DPEP3: variants seen among roughly 807,000 people sequenced by gnomAD.
DPEP3 encodes the protein membrane-bound dipeptidase 3.
In DPEP3, 42 loss-of-function variants were observed where a neutral mutation model predicts 47.5. The ratio of observed to expected loss-of-function variants is 0.88; its 90% CI spans 0.69 to 1.14. The LOEUF (loss-of-function observed/expected upper bound fraction) is 1.14, where lower values mean the gene tolerates loss of function less well. DPEP3 is among the 50% of genes most tolerant of loss of function. The pLI is 0.00. For synonymous variants in DPEP3, 276 were observed against 270.2 expected (o/e 1.02, Z -0.21); for missense variants, 560 against 635.0 (o/e 0.88, Z 1.27).
At chr16:67,976,604 G>C (rs1315292066) in intron 8 of DPEP3, 96 bp downstream of exon 8, 7 of 1,184,910 alleles carry the variant, frequency 5.9e-6, no homozygotes, top group African/African-American at 3.0e-5. Flanking sequence ...AGAGCCTGTG[G>C]CTGAGGCCTG....
chr16:67,980,230 AGCCCAGCGTGGAGAGGGCTCTGGGGGC>A lies in DPEP3; in HGVS notation c.124_150del (p.Ala42_Gly50del), dbSNP rs2031294638. Reference sequence around the variant, plus strand: ...CCCGGCGTGGTGAAGAGGCTGGGGGAGCCCAGCGTGGAGAGGGCTCTGGGGGCGCCCGGCGTGGTCTCCGCGCGGGTT... The same window carrying A: ...CCCGGCGTGGTGAAGAGGCTGGGGGAGCCCGGCGTGGTCTCCGCGCGGGTT... On this transcript the variant is annotated inframe_deletion, in exon 1 of 10. Transcript: ENST00000268793. 6.2e-7 allele frequency: 1 copy of A among 1,607,600 alleles called. No individual in the cohort carries two copies. Among genetic ancestry groups the A allele is most frequent in the East Asian group, 2.2e-5 (1 of 44,740 alleles).
chr16:67,979,541 A>C, intron 2 of DPEP3, 98 bp downstream of exon 2: 1 of 1,546,034 alleles, frequency 6.5e-7, no homozygotes, highest in Non-Finnish European at 8.7e-7. Flanking sequence ...TGCATGCCCC[A>C]TTGTATTTAG....
Position 67,978,070 on chromosome 16 carries a change from G to C in DPEP3, c.687-63C>G. 1 of 1,591,960 alleles carries C rather than the reference G, an allele frequency of 6.3e-7. No homozygotes were observed. On this transcript the variant is annotated intron_variant, in intron 4 of 9. Coordinates refer to ENST00000268793, the MANE Select transcript of DPEP3 (RefSeq NM_001370198.1). The surrounding 1 kb of genome is among the most constrained non-coding windows in gnomAD (Gnocchi z 4.4). ...CACCTTGGGCCATCACAGCCTGGGG[G>C]CCCTGGCTCTATCCATCCATCCTGC...
At position 67,976,019 on chromosome 16, in the gene DPEP3, C is replaced by T; in HGVS notation, c.1231-18G>A. 6.2e-7 allele frequency: 1 copy of T among 1,613,496 alleles called. No homozygotes were observed. Among genetic ancestry groups the T allele is most frequent in the Non-Finnish European group, 8.5e-7 (1 of 1,179,472 alleles). ...TCTCTCACCTGGGGGAGGAAGTCCG[C>T]AGTCAGAGGCTCCCACAGCAATCCC... On this transcript the variant is annotated intron_variant, in intron 9 of 9. Coordinates refer to ENST00000268793, the MANE Select transcript of DPEP3 (RefSeq NM_001370198.1).
At chr16:67,977,401 C>G in intron 6 of DPEP3, 47 bp from the exon 7 acceptor site, 1 of 1,573,810 alleles carries the variant, frequency 6.4e-7, no homozygotes, top group Non-Finnish European at 8.7e-7. Flanking sequence ...GGCCTGAGAA[C>G]ATGCCTCCTG....
chr16:67,977,088 C>A (rs1327372171), intron 7 of DPEP3, among the ~76,000 whole-genome samples, 182 bp downstream of exon 7: 2 of 152,182 alleles, frequency 1.3e-5, no homozygotes, highest in Non-Finnish European at 2.9e-5. Flanking sequence ...AGGCATCAAA[C>A]ACATCAGCAC....
In DPEP3 at chr16:67,979,756, G is replaced by A; in HGVS notation, c.297C>T (p.Asp99=). 8 of 1,613,880 alleles carry A rather than the reference G, an allele frequency of 5.0e-6. No homozygotes were observed. Among genetic ancestry groups the A allele is most frequent in the Non-Finnish European group, 6.8e-6 (8 of 1,179,874 alleles). ...AACGCTGTCTCAGGACCTGGGGCAG[G>A]TCATTGTGGCTGGGGGTGTGAAGGT... ...RSFPLVDGHN[D]LPQVLRQRYK... Residue 99 remains aspartate (D), a synonymous_variant, in exon 2 of 10, where the codon GAC becomes GAT. Coordinates refer to ENST00000268793, the MANE Select transcript of DPEP3 (RefSeq NM_001370198.1).
rs2031287638 is a variant in DPEP3 at position 67,980,027 on chromosome 16, C to T, written c.287+67G>A. On this transcript the variant is annotated intron_variant, in intron 1 of 9. Coordinates refer to ENST00000268793, the MANE Select transcript of DPEP3 (RefSeq NM_001370198.1). ...CCTTGATAGCCTCCTTGATAGCATG[C>T]TCAGAACCTCCTCTCCTGCCCAAGG... 3.6e-5 allele frequency: 56 copies of T among 1,539,036 alleles called. No homozygotes were observed. In the South Asian group the frequency reaches 7.1e-4, roughly 20 times the overall value.
In DPEP3 at chr16:67,977,737, C is replaced by G. The variant is rs2031229801; in HGVS notation, c.849G>C (p.Gln283His). 1.2e-6 allele frequency: 2 copies of G among 1,613,628 alleles called. No homozygotes were observed. The highest frequency in any genetic ancestry group is 4.5e-5 in the East Asian group (2 of 44,886). The change falls in exon 6 of 10, where the codon CAG becomes CAC. Residue 283 changes from glutamine to histidine, a missense_variant. Gln to His is a conservative substitution (Grantham distance 24). Coordinates refer to ENST00000268793, the MANE Select transcript of DPEP3 (RefSeq NM_001370198.1). Reference protein sequence around the residue: ...TLIRRVLEVSQAPVIFSHSAA... With the variant: ...TLIRRVLEVSHAPVIFSHSAA... ...CTGAGTGGGAGAAGATCACAGGAGC[C>G]TGAGACACTTCCAGGACCCTTCTTA...
Position 67,977,768 on chromosome 16 carries a change from G to A in DPEP3, c.818C>T (p.Thr273Ile), listed in dbSNP as rs905196302. The A allele has an allele frequency of 6.2e-7, 1 of 1,613,894 alleles. No individual in the cohort carries two copies. Among genetic ancestry groups the A allele is most frequent in the African/African-American group, 1.3e-5 (1 of 75,040 alleles). Residue 273 changes from threonine to isoleucine, a missense_variant, in exon 6 of 10, where the codon ACC becomes ATC. Physicochemically the swap from Thr to Ile is moderately conservative, Grantham distance 89. Transcript: ENST00000268793. ...CACTTCCAGGACCCTTCTTATCAAGGTGTCCGATGCATAGGACAAATCTAT... is the reference window on the plus strand; with the variant it reads ...CACTTCCAGGACCCTTCTTATCAAGATGTCCGATGCATAGGACAAATCTAT... ...MMIDLSYASD[T>I]LIRRVLEVSQ...
Position 67,977,499 on chromosome 16 carries a change from G to A in DPEP3, c.934-145C>T, listed in dbSNP as rs951867776. 3.2e-5 allele frequency: 41 copies of A among 1,275,188 alleles called. No individual in the cohort carries two copies. The African/African-American group carries it at 5.1e-4, about 16-fold the overall frequency. The allele number at this position is 1,275,188 out of a possible 1,614,324, so 79.0% of individuals were successfully genotyped here. A position where few individuals can be genotyped will look rare whatever the true frequency, so the allele number is the denominator to read the frequency against. ...CCTCTCTGCGTTTGTGGGTCCCTGA[G>A]TGGAAATTACTTGGCCTTAAGTTTC... On this transcript the variant is annotated intron_variant, in intron 6 of 9. Transcript: ENST00000268793.
In DPEP3 at chr16:67,980,297, C is replaced by A. The variant is rs1488279092; in HGVS notation, c.84G>T (p.Leu28=). 2 of 1,570,652 alleles carry A rather than the reference C, an allele frequency of 1.3e-6. No individual in the cohort carries two copies. Among genetic ancestry groups the A allele is most frequent in the Non-Finnish European group, 1.7e-6 (2 of 1,159,840 alleles). Residue 28 remains leucine, a synonymous_variant, in exon 1 of 10, where the codon CTG becomes CTT. Coordinates refer to ENST00000268793, the MANE Select transcript of DPEP3 (RefSeq NM_001370198.1). The part of the protein sequence containing the change: ...RRLLLLLLLL[L]LRQPVTRAET... The stretch of plus-strand genomic sequence containing the variant: ...CCGCGCGGGTTACGGGCTGCCGCAG[C>A]AGCAGCAGCAGTAGCAGGAGCAGCA...
Position 67,978,134 on chromosome 16 carries a change from G to A in DPEP3, c.687-127C>T. 6.4e-7 allele frequency: 1 copy of A among 1,572,352 alleles called. No individual in the cohort carries two copies. Among genetic ancestry groups the A allele is most frequent in the South Asian group, 1.1e-5 (1 of 89,380 alleles). On this transcript the variant is annotated intron_variant, in intron 4 of 9. Transcript: ENST00000268793. This position sits in a 1 kb window ranked among gnomAD's most constrained non-coding sequence, Gnocchi z 4.4. ...GCAGAACCAGCTGCTTTCTGGGATT[G>A]TGAGGGACCCACTGGGTGTCCAGCC...
Position 67,977,920 on chromosome 16 carries a change from C to G in DPEP3, c.756+18G>C, listed in dbSNP as rs767790155. On this transcript the variant is annotated intron_variant, in intron 5 of 9. Transcript: ENST00000268793. The stretch of plus-strand genomic sequence containing the variant: ...CGTAGGCAGCAGGTGGGTTGGGGTA[C>G]AAAACAGGAGTCCTCACCTCACCAA... 12 of 1,613,930 alleles carry G rather than the reference C, an allele frequency of 7.4e-6. No homozygotes were observed. The East Asian group carries it at 1.8e-4, about 24-fold the overall frequency.
chr16:67,980,167 G>C lies in DPEP3; in HGVS notation c.214C>G (p.Pro72Ala). 1 of 1,612,238 alleles carries C rather than the reference G, an allele frequency of 6.2e-7. No homozygotes were observed. Among genetic ancestry groups the C allele is most frequent in the Non-Finnish European group, 8.5e-7 (1 of 1,179,232 alleles). The change falls in exon 1 of 10, where the codon CCA (proline) becomes GCA (alanine). Residue 72 changes from proline to alanine, a missense_variant. Coordinates refer to ENST00000268793, the MANE Select transcript of DPEP3 (RefSeq NM_001370198.1). ...AGGTCCAGGGTTTTGGGGGTGCCTGGCGTAGTGAGGCCTGGGGTAGTGAGG... is the reference window on the plus strand; with the variant it reads ...AGGTCCAGGGTTTTGGGGGTGCCTGCCGTAGTGAGGCCTGGGGTAGTGAGG... The part of the protein sequence containing the change: ...SALTTPGLTT[P>A]GTPKTLDLRG...
Position 67,980,458 on chromosome 16 carries a change from C to G in DPEP3, c.-78G>C. 1 of 1,446,456 alleles carries G rather than the reference C, an allele frequency of 6.9e-7. No homozygotes were observed. Among genetic ancestry groups the G allele is most frequent in the Non-Finnish European group, 9.1e-7 (1 of 1,100,038 alleles). 89.6% of individuals were successfully genotyped at this position (1,446,456 alleles called of 1,614,324 possible). A position where few individuals can be genotyped will look rare whatever the true frequency, so the allele number is the denominator to read the frequency against. On this transcript the variant is annotated 5_prime_UTR_variant, in exon 1 of 10. Transcript: ENST00000268793. ...GCCGACAATGGGGTCCGGATCATGA[C>G]GACCCAGCCTCCCGAAGAGGGGGTT...
Position 67,980,295 on chromosome 16 carries a change from A to G in DPEP3, c.86T>C (p.Leu29Pro), listed in dbSNP as rs769082538. ...CTCCGCGCGGGTTACGGGCTGCCGC[A>G]GCAGCAGCAGCAGTAGCAGGAGCAG... ...RLLLLLLLLL[L>P]RQPVTRAETT... Residue 29 changes from leucine to proline, a missense_variant, in exon 1 of 10, where the codon CTG becomes CCG. Leu to Pro is a moderately conservative substitution (Grantham distance 98, BLOSUM62 -3). Transcript: ENST00000268793. The G allele has an allele frequency of 6.4e-7, 1 of 1,556,452 alleles. No individual in the cohort carries two copies. Among genetic ancestry groups the G allele is most frequent in the Non-Finnish European group, 8.7e-7 (1 of 1,152,646 alleles).
chr16:67,976,326 GC>G (rs2031195790), intron 8 of DPEP3, 98 bp from the exon 9 acceptor site: 1 of 1,516,010 alleles, frequency 6.6e-7, no homozygotes, highest in African/African-American at 1.4e-5. Context: ...GAAACTGAAG[GC>G]CAAGTTCTTC....
rs763544336 is a variant in DPEP3, at chr16:67,978,602, G to C, written c.439C>G (p.Gln147Glu). The C allele has an allele frequency of 1.4e-5, 22 of 1,613,742 alleles. No homozygotes were observed. Among genetic ancestry groups the C allele is most frequent in the Admixed American group, 5.0e-5 (3 of 59,992 alleles). ...CGCACGGCAGTCTGGTCCTGGGACT[G>C]GCATGAGACGGAGGCTGACCAGAAC... Reference protein sequence around the residue: ...AQFWSASVSCQSQDQTAVRLA... With the variant: ...AQFWSASVSCESQDQTAVRLA... The change falls in exon 3 of 10, where the codon CAG becomes GAG. Residue 147 changes from glutamine to glutamate, a missense_variant. Physicochemically the swap from Gln to Glu is conservative, Grantham distance 29. Transcript: ENST00000268793. This position sits in a 1 kb window ranked among gnomAD's most constrained non-coding sequence, Gnocchi z 4.4.
Sources: gnomAD v4.1 joint callset for allele counts (sites outside exome capture counted in the v4.1 genomes callset) on GRCh38, gnomAD v4.1.1 for gene constraint, Gnocchi (gnomAD v3.1) non-coding constraint, MANE v1.5 for transcripts, NCBI Gene and HGNC (gene_info 2026-07-23, HGNC 2026-07-21) for gene names.